Variants in USP9X observed in about 807,000 individuals in gnomAD.
USP9X encodes the protein ubiquitin carboxyl-terminal hydrolase 9X.
Under a neutral mutation model 190.3 loss-of-function variants are expected in USP9X, and 7 were observed. The observed-to-expected ratio is 0.04, with a 90% CI of 0.02 to 0.07. The LOEUF is 0.07. Among genes scored for constraint, USP9X ranks in the 10% least tolerant of loss-of-function variants. The pLI is 1.00. For synonymous variants in USP9X, 645 were observed against 659.5 expected (o/e 0.98, Z 0.34); for missense variants, 1,010 against 1,916.9 (o/e 0.53, Z 8.83).
At chrX:41,181,293 T>A (rs1026603807) in intron 21 of USP9X, among the ~76,000 whole-genome samples, 17 of 101,874 alleles carry the variant, frequency 1.7e-4, no homozygotes, top group African/African-American at 4.7e-4. Flanking sequence ...TTTTTTTTTT[T>A]AAAGAGAGAG....
At chrX:41,131,662 G>A (rs1055632876) in intron 4 of USP9X, 126 bp downstream of exon 4, 14 of 489,829 alleles carry the variant, frequency 2.9e-5, no homozygotes, top group Non-Finnish European at 4.5e-5. Context: ...TTGCAAGGAG[G>A]GGCTCATATC....
chrX:41,158,531 A>G (rs748383861), intron 14 of USP9X, among the ~76,000 whole-genome samples: 6 of 105,075 alleles, frequency 5.7e-5, no homozygotes, highest in Non-Finnish European at 9.4e-5. Context: ...TTCCCAGATA[A>G]ACAAAGACTG....
chrX:41,205,048 T>G (rs2063078315), intron 31 of USP9X: 2 of 232,669 alleles, frequency 8.6e-6, no homozygotes, highest in Admixed American at 6.8e-5. Flanking sequence ...TTATGTCTAG[T>G]TCAGTCTAAA....
chrX:41,171,521 A>G (rs1453544674), intron 20 of USP9X: 2 of 248,794 alleles, frequency 8.0e-6, no homozygotes, highest in Non-Finnish European at 1.5e-5. Flanking sequence ...CTCTATAACA[A>G]CTGGATTAAG....
At chrX:41,184,341 A>G in intron 22 of USP9X, 56 bp from the exon 23 acceptor site, 1 of 1,074,023 alleles carries the variant, frequency 9.3e-7, no homozygotes, top group South Asian at 2.2e-5. Context: ...AATAGAAGTT[A>G]TTTTTTTTTT....
At chrX:41,140,884 A>T (rs954138411) in intron 7 of USP9X, 82 bp from the exon 8 acceptor site, 28 of 1,091,280 alleles carry the variant, frequency 2.6e-5, no homozygotes, top group African/African-American at 3.8e-5. Flanking sequence ...GGGATTTTTT[A>T]AAAGTAATAT....
Position 41,166,150 on chromosome X carries a change from T to A in USP9X, c.2264T>A (p.Val755Glu), listed in dbSNP as rs1188095108. Reference sequence around the variant, plus strand: ...GTGAATTGTCGAGAAGGAAAACTAGTAGCAAAAAGGAGAGCCTATATGATG... The same window carrying A: ...GTGAATTGTCGAGAAGGAAAACTAGAAGCAAAAAGGAGAGCCTATATGATG... ...KAVNCREGKL[V>E]AKRRAYMMDD... Residue 755 changes from valine to glutamate, a missense_variant, in exon 16 of 45, where the codon GTA becomes GAA. Val to Glu is a moderately radical substitution (Grantham distance 121). This residue lies in a region of USP9X where 104 missense variants were observed against 239.8 expected (regional missense o/e 0.43). Transcript: ENST00000378308. 2 of 1,208,887 alleles carry A rather than the reference T, an allele frequency of 1.7e-6. No homozygotes were observed. Among genetic ancestry groups the A allele is most frequent in the Admixed American group, 2.2e-5 (1 of 45,321 alleles).
chrX:41,144,962 G>A (rs893426589), intron 11 of USP9X, among the ~76,000 whole-genome samples: 2 of 111,230 alleles, frequency 1.8e-5, no homozygotes, highest in Non-Finnish European at 3.8e-5. Flanking sequence ...CAATATCTTG[G>A]TATTCTGGGG....
intron 39 of USP9X, 151 bp from the exon 40 acceptor site, chrX:41,224,591 G>T (rs1482839610): frequency 6.8e-6 from 3 of 444,266 alleles, no homozygotes; most frequent in Non-Finnish European, 1.1e-5. Context: ...AGCTGAGATC[G>T]CCCCATTGCA....
At chrX:41,093,571 G>A (rs1254086193) in intron 1 of USP9X, among the ~76,000 whole-genome samples, 1 of 111,117 alleles carries the variant, frequency 9.0e-6, no homozygotes. Context: ...TTGAACTCCC[G>A]ACCTCAGGTG....
At chrX:41,207,995 T>C (rs1941289675) in intron 32 of USP9X, among the ~76,000 whole-genome samples, 1 of 110,624 alleles carries the variant, frequency 9.0e-6, no homozygotes, top group Admixed American at 9.7e-5. Flanking sequence ...TTTCTGTTTA[T>C]GCTCTTCCAA....
chrX:41,122,489 G>C (rs2062198625), intron 1 of USP9X, among the ~76,000 whole-genome samples: 1 of 111,939 alleles, frequency 8.9e-6, no homozygotes, highest in Admixed American at 9.5e-5. Context: ...CAGGATGTGT[G>C]ACAGGGGTGT....
rs759949381 is a variant in USP9X at position 41,214,522 on chromosome X, T to C, written c.5190-46T>C. 3.1e-5 allele frequency: 34 copies of C among 1,099,259 alleles called. No individual in the cohort carries two copies. In the South Asian group the frequency reaches 6.4e-4, roughly 21 times the overall value. The allele number at this position is 1,099,259 out of a possible 1,213,427, so 90.6% of individuals were successfully genotyped here. The stretch of plus-strand genomic sequence containing the variant: ...GTTTACATTAAGTCCATAACTAAAA[T>C]GTTTACAAAACTAAGGGATAAATCC... On this transcript the variant is annotated intron_variant, in intron 33 of 44. Transcript: ENST00000378308.
intron 11 of USP9X, among the ~76,000 whole-genome samples, chrX:41,147,524 G>C (rs1243504942): frequency 1.0e-5 from 1 of 95,456 alleles, no homozygotes; most frequent in Non-Finnish European, 2.0e-5. Flanking sequence ...CGCGATCCCA[G>C]CTCACTGCAT....
chrX:41,108,822 G>T (rs2062087770), intron 1 of USP9X, among the ~76,000 whole-genome samples: 1 of 111,202 alleles, frequency 9.0e-6, no homozygotes, highest in African/African-American at 3.3e-5. Flanking sequence ...GAGGTGGGGT[G>T]GGGGCCATTA....
chrX:41,107,780 C>T (rs1465224383), intron 1 of USP9X, among the ~76,000 whole-genome samples: 1 of 111,922 alleles, frequency 8.9e-6, no homozygotes, highest in Non-Finnish European at 1.9e-5. Context: ...TCCGACAGCT[C>T]ATTGGCTGAA....
intron 38 of USP9X, among the ~76,000 whole-genome samples, chrX:41,222,339 C>T (rs1384582358): frequency 9.1e-6 from 1 of 110,304 alleles, no homozygotes; most frequent in South Asian, 3.9e-4. Context: ...AATCAGGAAT[C>T]CAGGGAGGAA....
chrX:41,232,547 C>T lies in USP9X; in HGVS notation c.*23C>T. 8.3e-7 allele frequency: 1 copy of T among 1,200,078 alleles called. No individual in the cohort carries two copies. The highest frequency in any genetic ancestry group is 1.1e-6 in the Non-Finnish European group (1 of 888,758). On this transcript the variant is annotated 3_prime_UTR_variant, in exon 45 of 45. Coordinates refer to ENST00000378308, the MANE Select transcript of USP9X (RefSeq NM_001039591.3). ...TGAAATGCACATAATTAACTGGTTC[C>T]ATCAAGACTGTGCACCCAGGCCTTA...
At chrX:41,230,380 A>G (rs757101318) in intron 43 of USP9X, 121 bp from the exon 44 acceptor site, 2 of 556,404 alleles carry the variant, frequency 3.6e-6, no homozygotes, top group Middle Eastern at 4.6e-4. Flanking sequence ...TATCTGCAGT[A>G]AAAGAAAAGT....
Sources: gnomAD v4.1 joint callset for allele counts (sites outside exome capture counted in the v4.1 genomes callset) on GRCh38, gnomAD v4.1.1 for gene constraint, gnomAD v4.1.1 regional missense constraint, MANE v1.5 for transcripts, NCBI Gene and HGNC (gene_info 2026-07-23, HGNC 2026-07-21) for gene names.